Variants in EYS observed in about 807,000 individuals in gnomAD.
The protein encoded by EYS is protein eyes shut homolog.
Under a neutral mutation model 282.1 loss-of-function variants are expected in EYS, and 250 were observed. That is an observed-to-expected ratio of 0.89 (90% CI 0.80 to 0.98). The LOEUF is 0.98. Ranked by LOEUF, EYS falls within the 50% of genes least tolerant of loss-of-function variation. EYS has a pLI of 0.00. For synonymous variants in EYS, 1,355 were observed against 1,282.9 expected, an observed-to-expected ratio of 1.06 and a Z score of -1.20; for missense variants, 4,016 against 3,709.0, an observed-to-expected ratio of 1.08 and a Z score of -2.15.
At chr6:64,897,850 A>G (rs1276695080) in intron 18 of EYS, among the ~76,000 whole-genome samples, 3 of 152,234 alleles carry the variant, frequency 2.0e-5, no homozygotes, top group Non-Finnish European at 4.4e-5. Flanking sequence ...GGAAGAAAGG[A>G]TATCAGAGAT....
At chr6:64,923,946 A>T (rs528318604) in intron 15 of EYS, among the ~76,000 whole-genome samples, 53 of 152,210 alleles carry the variant, frequency 3.5e-4, no homozygotes, top group African/African-American at 1.2e-3. Context: ...AAGCTGTCAG[A>T]GGATCTACCA....
intron 35 of EYS, among the ~76,000 whole-genome samples, chr6:63,905,166 CTG>C (rs1212945994): frequency 6.6e-6 from 1 of 152,122 alleles, no homozygotes; most frequent in African/African-American, 2.4e-5. Context: ...CCTTTTGTGT[CTG>C]TGTCTGGCTT....
At chr6:65,076,085 T>C (rs1257801484) in intron 12 of EYS, among the ~76,000 whole-genome samples, 1 of 152,042 alleles carries the variant, frequency 6.6e-6, no homozygotes, top group African/African-American at 2.4e-5. Context: ...TAAAACCACA[T>C]TTTATTTTTG....
chr6:64,851,876 A>G (rs1765897528), intron 19 of EYS, among the ~76,000 whole-genome samples: 1 of 152,098 alleles, frequency 6.6e-6, no homozygotes, highest in Admixed American at 6.6e-5. Context: ...TGGTCTGTAC[A>G]AGAAACCCCC....
chr6:64,869,936 A>C (rs1766539692), intron 19 of EYS, among the ~76,000 whole-genome samples: 1 of 151,576 alleles, frequency 6.6e-6, no homozygotes, highest in Non-Finnish European at 1.5e-5. Context: ...TGAGAATATC[A>C]CTGCAGTCAT....
At chr6:65,066,580 C>T (rs1353609143) in intron 12 of EYS, among the ~76,000 whole-genome samples, 1 of 152,136 alleles carries the variant, frequency 6.6e-6, no homozygotes, top group Non-Finnish European at 1.5e-5. Context: ...CAGAGTGCTT[C>T]AGAAAGAAGA....
At chr6:65,547,548 A>G (rs57504528) in intron 2 of EYS, among the ~76,000 whole-genome samples, 1,717 of 152,178 alleles carry the variant, frequency 0.011, 30 homozygotes, top group African/African-American at 0.039. Context: ...TACTTTTAAT[A>G]TTAGTGTATA....
At chr6:64,689,327 C>G (rs1256814986) in intron 22 of EYS, among the ~76,000 whole-genome samples, 2 of 152,194 alleles carry the variant, frequency 1.3e-5, no homozygotes, top group East Asian at 3.9e-4. Flanking sequence ...AAAGAGGACA[C>G]AAACAAATGG....
chr6:64,811,614 C>T (rs1213828665), intron 22 of EYS, among the ~76,000 whole-genome samples: 2 of 152,008 alleles, frequency 1.3e-5, no homozygotes, highest in Admixed American at 6.6e-5. Context: ...TCTCATGAGA[C>T]GGGATTTGTT....
Position 65,414,580 on chromosome 6 carries a change from C to CT in EYS, c.863-9214dup, listed in dbSNP as rs548455682. On this transcript the variant is annotated intron_variant, in intron 5 of 42. Coordinates refer to ENST00000503581, the MANE Select transcript of EYS (RefSeq NM_001142800.2). ...AGGAAAAGGAAAAGGAAGATTTAAT[C>CT]TTTTTTTTTTATGTAAGTAACCAGA... is the stretch of plus-strand genomic sequence containing the variant. Among the ~76,000 whole-genome samples the CT allele has an allele frequency of 6.8e-3, 1,003 of 148,054 alleles. 5 individuals carry two copies. The highest frequency in any genetic ancestry group is 0.017 in the African/African-American group (682 of 40,500).
At chr6:65,517,946 T>C (rs1767204461) in intron 2 of EYS, among the ~76,000 whole-genome samples, 2 of 152,146 alleles carry the variant, frequency 1.3e-5, no homozygotes, top group African/African-American at 2.4e-5. Context: ...TCTTGATGTT[T>C]AGATAGAAAA....
chr6:64,418,170 A>C (rs1774119473), intron 28 of EYS, among the ~76,000 whole-genome samples: 1 of 152,076 alleles, frequency 6.6e-6, no homozygotes, highest in South Asian at 2.1e-4. Flanking sequence ...TCTCAAACAG[A>C]AGAGGCTATC....
rs1245776968 is a variant in EYS, at chr6:64,675,923, C to G, written c.3444-49678G>C. 5.3e-5 allele frequency among the ~76,000 whole-genome samples: 8 copies of G among 150,170 alleles called. No individual in the cohort carries two copies. The East Asian group carries it at 1.6e-3, about 31-fold the overall frequency. ...TGTTGAGAAGATTAAATGGCTCTCT[C>G]TCTCTCCCTCTTTATATATATCTAG... On this transcript the variant is annotated intron_variant, in intron 22 of 42. Coordinates refer to ENST00000503581, the MANE Select transcript of EYS (RefSeq NM_001142800.2).
At chr6:63,829,250 G>A (rs1188788793) in intron 36 of EYS, among the ~76,000 whole-genome samples, 1 of 152,160 alleles carries the variant, frequency 6.6e-6, no homozygotes, top group Admixed American at 6.5e-5. Context: ...TGCAGCCTAT[G>A]GAGCAAGGTG....
At chr6:64,519,133 T>A (rs979587090) in intron 26 of EYS, among the ~76,000 whole-genome samples, 1 of 151,634 alleles carries the variant, frequency 6.6e-6, no homozygotes, top group Non-Finnish European at 1.5e-5. Flanking sequence ...GGTGTTTGAG[T>A]GAGCAATAGT....
At chr6:65,428,980 C>T (rs907702415) in intron 5 of EYS, among the ~76,000 whole-genome samples, 15 of 151,958 alleles carry the variant, frequency 9.9e-5, no homozygotes, top group Admixed American at 3.9e-4. Flanking sequence ...GTCGGGAGTT[C>T]GAGACCAGCC....
chr6:65,462,911 A>C (rs891700134), intron 5 of EYS, among the ~76,000 whole-genome samples: 1 of 152,106 alleles, frequency 6.6e-6, no homozygotes, highest in Non-Finnish European at 1.5e-5. Flanking sequence ...ATACTTCAAT[A>C]ATCAAGCTTG....
intron 14 of EYS, among the ~76,000 whole-genome samples, chr6:64,969,739 C>T (rs141491329): frequency 6.6e-6 from 1 of 152,112 alleles, no homozygotes; most frequent in Non-Finnish European, 1.5e-5. Context: ...ATATGATAAG[C>T]CTTCCAAGCA....
intron 12 of EYS, among the ~76,000 whole-genome samples, chr6:65,245,404 C>G (rs999013950): frequency 5.9e-5 from 9 of 152,042 alleles, no homozygotes; most frequent in African/African-American, 2.2e-4. Context: ...TAATTGCAAT[C>G]CAGGATTCAG....
Sources: gnomAD v4.1 joint callset for allele counts (sites outside exome capture counted in the v4.1 genomes callset) on GRCh38, gnomAD v4.1.1 for gene constraint, MANE v1.5 for transcripts, NCBI Gene and HGNC (gene_info 2026-07-23, HGNC 2026-07-21) for gene names.